The following SLC24A2 variants were observed in gnomAD, a reference collection of about 807,000 sequenced individuals.
SLC24A2 encodes sodium/potassium/calcium exchanger 2.
SLC24A2 carries 36 observed loss-of-function variants against 62.0 expected under a neutral mutation model. The observed-to-expected ratio is 0.58, with a 90% confidence interval of 0.44 to 0.77. The LOEUF (loss-of-function observed/expected upper bound fraction) is 0.77. SLC24A2 is among the 30% of genes least tolerant of loss of function. The pLI is 0.00. For synonymous variants in SLC24A2, 358 were observed against 294.0 expected, an observed-to-expected ratio of 1.22 and a Z score of -2.23; for missense variants, 846 against 817.9, an observed-to-expected ratio of 1.03 and a Z score of -0.42.
chr9:19,594,538 G>A (rs1587008414), intron 5 of SLC24A2, among the ~76,000 whole-genome samples: 1 of 152,202 alleles, frequency 6.6e-6, no homozygotes, highest in East Asian at 1.9e-4. Context: ...TGCAAGTCAT[G>A]ACCTCACACA....
chr9:20,128,985 A>G, the SLC24A2 span, among the ~76,000 whole-genome samples: 3 of 152,138 alleles, frequency 2.0e-5, no homozygotes, highest in African/African-American at 7.2e-5. Flanking sequence ...TGGATACTAT[A>G]AAGAAAATGA....
At chr9:20,125,353 A>C in the SLC24A2 span, among the ~76,000 whole-genome samples, 1 of 152,208 alleles carries the variant, frequency 6.6e-6, no homozygotes, top group African/African-American at 2.4e-5. Flanking sequence ...CAAAAGTAGG[A>C]AATTGCAAAA....
At chr9:20,037,942 A>G in the SLC24A2 span, among the ~76,000 whole-genome samples, 1 of 152,232 alleles carries the variant, frequency 6.6e-6, no homozygotes, top group Admixed American at 6.5e-5. Flanking sequence ...TCAAAAAATT[A>G]TTTTAGGATG....
In SLC24A2 at chr9:19,786,438, G is replaced by T; in HGVS notation, c.429C>A (p.Ile143=). ...GAIILHVIGM[I]YMFIALAIVC... ...CAATGGCTAAGGCTATGAACATGTA[G>T]ATCATTCCAATGACATGCAGAATGA... Residue 143 remains isoleucine, a synonymous_variant, in exon 2 of 11, where the codon ATC becomes ATA. Coordinates refer to ENST00000341998, the MANE Select transcript of SLC24A2 (RefSeq NM_020344.4). This position sits in a 1 kb window ranked among gnomAD's most constrained non-coding sequence, Gnocchi z 5.0. 6.2e-7 allele frequency: 1 copy of T among 1,614,122 alleles called. No homozygotes were observed. Among genetic ancestry groups the T allele is most frequent in the Non-Finnish European group, 8.5e-7 (1 of 1,180,040 alleles).
At chr9:19,976,593 C>G in the SLC24A2 span, among the ~76,000 whole-genome samples, 3 of 152,188 alleles carry the variant, frequency 2.0e-5, no homozygotes, top group African/African-American at 7.2e-5. Context: ...ATTACCTAGA[C>G]TTAGGTAGTT....
chr9:20,042,402 G>C, the SLC24A2 span, among the ~76,000 whole-genome samples: 20 of 152,318 alleles, frequency 1.3e-4, no homozygotes, highest in South Asian at 3.9e-3. Context: ...CCTTCTGGAA[G>C]AAATGTTATA....
rs1003349512 is a variant in SLC24A2 at position 19,752,535 on chromosome 9, C to A, written c.930+33402G>T. Among the ~76,000 whole-genome samples, 4 of 152,208 alleles carry A rather than the reference C, an allele frequency of 2.6e-5. No individual in the cohort carries two copies. In the South Asian group the frequency reaches 8.3e-4, roughly 32 times the overall value. On this transcript the variant is annotated intron_variant, in intron 2 of 10. Coordinates refer to ENST00000341998, the MANE Select transcript of SLC24A2 (RefSeq NM_020344.4). ...GTCACGCAATCCTGGGGAGCTGGACCCTGGCCCAGCCCCTTGGGAGCGCCA... is the reference window on the plus strand; with the variant it reads ...GTCACGCAATCCTGGGGAGCTGGACACTGGCCCAGCCCCTTGGGAGCGCCA...
the SLC24A2 span, among the ~76,000 whole-genome samples, chr9:19,941,395 G>A: frequency 6.6e-6 from 1 of 152,094 alleles, no homozygotes; most frequent in African/African-American, 2.4e-5. Flanking sequence ...GTTCCATTTT[G>A]TCTGGTCTTA....
At chr9:20,038,215 G>A in the SLC24A2 span, among the ~76,000 whole-genome samples, 2 of 152,188 alleles carry the variant, frequency 1.3e-5, no homozygotes, top group Non-Finnish European at 2.9e-5. Context: ...TTTCCCAGCT[G>A]TGTAAGCTTG....
At chr9:19,611,559 G>A (rs546785709) in intron 4 of SLC24A2, among the ~76,000 whole-genome samples, 1 of 152,200 alleles carries the variant, frequency 6.6e-6, no homozygotes, top group South Asian at 2.1e-4. Context: ...TTTGCTCTTG[G>A]TGAGATGGTT....
At chr9:19,987,977 A>G in the SLC24A2 span, among the ~76,000 whole-genome samples, 1 of 152,232 alleles carries the variant, frequency 6.6e-6, no homozygotes, top group African/African-American at 2.4e-5. Flanking sequence ...ATTGAAAACA[A>G]AAACACTTTT....
At chr9:20,266,741 G>C in the SLC24A2 span, among the ~76,000 whole-genome samples, 1 of 152,020 alleles carries the variant, frequency 6.6e-6, no homozygotes, top group East Asian at 1.9e-4. Flanking sequence ...GGAGATTCAC[G>C]GTGCACTTTA....
chr9:19,817,809 A>G, the SLC24A2 span, among the ~76,000 whole-genome samples: 3 of 152,090 alleles, frequency 2.0e-5, no homozygotes, highest in African/African-American at 7.2e-5. Context: ...AGCTCACTGC[A>G]GCCTCTCACT....
At chr9:19,754,363 C>A (rs549134534) in intron 2 of SLC24A2, among the ~76,000 whole-genome samples, 1 of 152,276 alleles carries the variant, frequency 6.6e-6, no homozygotes. Flanking sequence ...GACAGCCTGG[C>A]CAGCCCTATT....
chr9:20,240,253 T>C, the SLC24A2 span, among the ~76,000 whole-genome samples: 2 of 152,200 alleles, frequency 1.3e-5, no homozygotes, highest in Non-Finnish European at 2.9e-5. Context: ...TTAATTCACC[T>C]ATTTGTTTTT....
the SLC24A2 span, among the ~76,000 whole-genome samples, chr9:19,965,552 G>A: frequency 6.6e-6 from 1 of 152,208 alleles, no homozygotes; most frequent in African/African-American, 2.4e-5. Context: ...TAATGTTGCT[G>A]GCTCGTGGTA....
intron 2 of SLC24A2, among the ~76,000 whole-genome samples, chr9:19,765,294 A>C (rs946439251): frequency 7.9e-5 from 12 of 151,290 alleles, no homozygotes; most frequent in African/African-American, 3.0e-4. Flanking sequence ...TAGCCCGTTT[A>C]CATTTAAGGT....
chr9:20,200,217 C>T, the SLC24A2 span, among the ~76,000 whole-genome samples: 2 of 152,250 alleles, frequency 1.3e-5, no homozygotes, highest in Non-Finnish European at 2.9e-5. Context: ...TGGCTCCACA[C>T]ATTTCAAATC....
chr9:19,527,806 A>AAGT (rs1833509491), intron 9 of SLC24A2, among the ~76,000 whole-genome samples: 1 of 152,146 alleles, frequency 6.6e-6, no homozygotes, highest in Admixed American at 6.5e-5. Context: ...CAGAGGCAAG[A>AAGT]AGTAGTTAGA....
Sources: allele counts gnomAD v4.1 joint callset (sites outside exome capture counted in the v4.1 genomes callset), GRCh38; gene constraint gnomAD v4.1.1; non-coding constraint Gnocchi (gnomAD v3.1); transcripts MANE v1.5; gene names NCBI Gene and HGNC (gene_info 2026-07-23, HGNC 2026-07-21).